QRICH2: variants seen among roughly 807,000 people sequenced by gnomAD.
QRICH2 encodes the protein glutamine-rich protein 2.
A neutral mutation model predicts 168.3 loss-of-function variants in QRICH2; 119 were observed. That is an observed-to-expected ratio of 0.71 (90% CI 0.61 to 0.82). The LOEUF is 0.82. Ranked by LOEUF, QRICH2 falls within the 40% of genes least tolerant of loss-of-function variation. The pLI is 0.00. For missense variants in QRICH2, 2,241 were observed against 2,491.6 expected (o/e 0.90, Z 2.14); for synonymous variants, 894 against 951.2 (o/e 0.94, Z 1.11).
intron 7 of QRICH2, among the ~76,000 whole-genome samples, chr17:76,283,156 G>A (rs547331166): frequency 2.0e-4 from 30 of 152,222 alleles, no homozygotes; most frequent in African/African-American, 4.1e-4. Context: ...GAGCCTGCCC[G>A]GAGGCAGGTA....
In QRICH2 at chr17:76,307,624, C is replaced by T; in HGVS notation, c.375G>A (p.Gln125=). Residue 125 remains glutamine (Q), a synonymous_variant, in exon 1 of 19, where the codon CAG becomes CAA. Coordinates refer to ENST00000680821, the MANE Select transcript of QRICH2 (RefSeq NM_001388453.1). This position sits in a 1 kb window ranked among gnomAD's most constrained non-coding sequence, Gnocchi z 5.3. ...AGTGCTGCACGTGCGTGGCGATGCCCTGCACCTGGCCGTCCACACGCTTGA... is the reference window on the plus strand; with the variant it reads ...AGTGCTGCACGTGCGTGGCGATGCCTTGCACCTGGCCGTCCACACGCTTGA... The part of the protein sequence containing the change: ...KQLKRVDGQV[Q]GIATHVQHFS... 6.6e-7 allele frequency: 1 copy of T among 1,514,520 alleles called. No homozygotes were observed. Among genetic ancestry groups the T allele is most frequent in the Non-Finnish European group, 8.9e-7 (1 of 1,126,076 alleles). 93.8% of individuals were successfully genotyped at this position (1,514,520 alleles called of 1,614,324 possible). A position where few individuals can be genotyped will look rare whatever the true frequency, so the allele number is the denominator to read the frequency against.
At chr17:76,304,648 A>G in intron 2 of QRICH2, 123 bp from the exon 3 acceptor site, 1 of 753,036 alleles carries the variant, frequency 1.3e-6, no homozygotes, top group Non-Finnish European at 2.3e-6. Context: ...GGGAGAATTC[A>G]TCACCCTTCA....
Position 76,278,163 on chromosome 17 carries a change from C to T in QRICH2, c.4943G>A (p.Arg1648Gln), listed in dbSNP as rs771110176. 15 of 1,608,800 alleles carry T rather than the reference C, an allele frequency of 9.3e-6. No homozygotes were observed. Among genetic ancestry groups the T allele is most frequent in the Admixed American group, 3.3e-5 (2 of 60,030 alleles). ...RNLKLGSAFP[R>Q]GDLAQMEQSV... Reference sequence around the variant, plus strand: ...CTGCTCCATCTGCGCCAGGTCACCCCGAGGGAAGGCGCTGCCCAGCTTGAG... The same window carrying T: ...CTGCTCCATCTGCGCCAGGTCACCCTGAGGGAAGGCGCTGCCCAGCTTGAG... Residue 1648 changes from arginine (R) to glutamine (Q), a missense_variant, in exon 15 of 19, where the codon CGG (arginine) becomes CAG (glutamine). Around this residue, in one of 3 missense-constraint regions of QRICH2, gnomAD observed 2,047 missense variants for 2,303.8 expected, o/e 0.89. Transcript: ENST00000680821.
chr17:76,288,011 C>A, intron 5 of QRICH2, 114 bp from the exon 6 acceptor site: 2 of 767,398 alleles, frequency 2.6e-6, no homozygotes, highest in Non-Finnish European at 4.5e-6. Context: ...ACCCAACCCC[C>A]TCCGACAAAA....
intron 6 of QRICH2, 35 bp from the exon 7 acceptor site, chr17:76,287,341 A>T: frequency 6.7e-7 from 1 of 1,503,612 alleles, no homozygotes; most frequent in Non-Finnish European, 9.2e-7. Flanking sequence ...CAGACTCCAC[A>T]CTCAGGCCAG....
chr17:76,304,358 G>C, intron 3 of QRICH2, 57 bp downstream of exon 3: 1 of 1,093,502 alleles, frequency 9.1e-7, no homozygotes, highest in South Asian at 1.3e-5. Flanking sequence ...GCTGTACAAA[G>C]CGAGAAGTTC....
chr17:76,280,145 G>C lies in QRICH2; in HGVS notation c.4636C>G (p.Leu1546Val). 1 of 1,613,864 alleles carries C rather than the reference G, an allele frequency of 6.2e-7. No homozygotes were observed. The highest frequency in any genetic ancestry group is 1.3e-5 in the African/African-American group (1 of 75,062). Residue 1546 changes from leucine to valine, a missense_variant, in exon 12 of 19, where the codon CTG (leucine) becomes GTG (valine). Transcript: ENST00000680821. This position sits in a 1 kb window ranked among gnomAD's most constrained non-coding sequence, Gnocchi z 7.4. ...AACTGCTTCACTGGGTCCAGCTCCA[G>C]GCGGTCCAGCTGTGGCGGGGAAAGA... ...LTEMDNKLDRLELDPVKQLLE... is the reference protein window; with the variant it reads ...LTEMDNKLDRVELDPVKQLLE...
intron 12 of QRICH2, 50 bp from the exon 13 acceptor site, chr17:76,279,478 C>A: frequency 6.7e-7 from 1 of 1,482,156 alleles, no homozygotes; most frequent in Non-Finnish European, 9.3e-7. Flanking sequence ...CCCGGAAGAC[C>A]CAGAAGGGCT....
At chr17:76,305,134 TTTC>T (rs1462963319) in intron 1 of QRICH2, among the ~76,000 whole-genome samples, 193 bp from the exon 2 acceptor site, 3 of 148,824 alleles carry the variant, frequency 2.0e-5, no homozygotes, top group Non-Finnish European at 3.0e-5. Context: ...AAAGGGAGGG[TTTC>T]TTCTTCTACT....
intron 18 of QRICH2, among the ~76,000 whole-genome samples, chr17:76,274,960 T>A (rs899017338): frequency 6.6e-6 from 1 of 152,186 alleles, no homozygotes; most frequent in Non-Finnish European, 1.5e-5. Context: ...GGGCCCTGGA[T>A]GATGCTGAGG....
In QRICH2 at chr17:76,280,964, AGGGAT is replaced by A; in HGVS notation, c.4264-16_4264-12del. The A allele has an allele frequency of 6.2e-7, 1 of 1,605,934 alleles. No individual in the cohort carries two copies. The highest frequency in any genetic ancestry group is 8.5e-7 in the Non-Finnish European group (1 of 1,179,642). ...CAGCAGCTCCTCGTCCTGCGGCAGG[AGGGAT>A]GGGAAGGCTCTCGGAGGCTGCTGGC... is the stretch of plus-strand genomic sequence containing the variant. On this transcript the variant is annotated splice_polypyrimidine_tract_variant and intron_variant, in intron 8 of 18. Coordinates refer to ENST00000680821, the MANE Select transcript of QRICH2 (RefSeq NM_001388453.1). The surrounding 1 kb of genome is among the most constrained non-coding windows in gnomAD (Gnocchi z 7.4).
rs1281413350 is a variant in QRICH2, at chr17:76,280,159, G to T, written c.4627-5C>A. 1 of 1,613,098 alleles carries T rather than the reference G, an allele frequency of 6.2e-7. No homozygotes were observed. The highest frequency in any genetic ancestry group is 8.5e-7 in the Non-Finnish European group (1 of 1,179,504). On this transcript the variant is annotated splice_region_variant and splice_polypyrimidine_tract_variant and intron_variant, in intron 11 of 18. Transcript: ENST00000680821. This position sits in a 1 kb window ranked among gnomAD's most constrained non-coding sequence, Gnocchi z 7.4. ...GTCCAGCTCCAGGCGGTCCAGCTGT[G>T]GCGGGGAAAGAGGGGCCAGGGGACC...
At chr17:76,297,870 G>GTTTTTTTTTTTTTTTTTTT (rs1169251679) in intron 3 of QRICH2, among the ~76,000 whole-genome samples, 11 of 79,492 alleles carry the variant, frequency 1.4e-4, no homozygotes, top group Non-Finnish European at 1.9e-4. Flanking sequence ...TTAGGAATCT[G>GTTTTTTTTTTTTTTTTTTT]TTTTTTTTTT....
In QRICH2 at chr17:76,290,073, T is replaced by C; in HGVS notation, c.3717A>G (p.Lys1239=). Residue 1239 remains lysine (K), a synonymous_variant, in exon 5 of 19, where the codon AAA becomes AAG. Transcript: ENST00000680821. ...CCTGCAGTTCAGGAGGTATGGTCCT[T>C]TTGACTATGGAAAGCAGAAGCCTTA... ...KIQFLLAQMV[K]RTIPPELQEQ... The C allele has an allele frequency of 6.2e-7, 1 of 1,610,994 alleles. No individual in the cohort carries two copies. Among genetic ancestry groups the C allele is most frequent in the East Asian group, 2.2e-5 (1 of 44,742 alleles).
rs556418368 is a variant in QRICH2 at position 76,289,476 on chromosome 17, C to T, written c.3798+516G>A. Among the ~76,000 whole-genome samples the T allele has an allele frequency of 2.0e-5, 3 of 152,216 alleles. No individual in the cohort carries two copies. The East Asian group carries it at 5.8e-4, about 29-fold the overall frequency. ...TGCTGGGATTATAGGCATGAGCCAGCGTGCCCAGCCTGAGCATCAGGTTTT... is the reference window on the plus strand; with the variant it reads ...TGCTGGGATTATAGGCATGAGCCAGTGTGCCCAGCCTGAGCATCAGGTTTT... On this transcript the variant is annotated intron_variant, in intron 5 of 18. Transcript: ENST00000680821.
Position 76,281,968 on chromosome 17 carries a change from T to A in QRICH2, c.4159A>T (p.Ser1387Cys). 1 of 1,613,760 alleles carries A rather than the reference T, an allele frequency of 6.2e-7. No individual in the cohort carries two copies. Among genetic ancestry groups the A allele is most frequent in the South Asian group, 1.1e-5 (1 of 91,040 alleles). ...CGCACCAGCGTGCTGACCTGATGGCTCACATCCAGGCTGCAGGCTGGACAG... is the reference window on the plus strand; with the variant it reads ...CGCACCAGCGTGCTGACCTGATGGCACACATCCAGGCTGCAGGCTGGACAG... ...ATCPACSLDVSHQVSTLVRRY... is the reference protein window; with the variant it reads ...ATCPACSLDVCHQVSTLVRRY... The change falls in exon 8 of 19, where the codon AGC becomes TGC. Residue 1387 changes from serine (S) to cysteine (C), a missense_variant. This residue lies in a region of QRICH2 where 2,047 missense variants were observed against 2,303.8 expected (regional missense o/e 0.89). Coordinates refer to ENST00000680821, the MANE Select transcript of QRICH2 (RefSeq NM_001388453.1). The surrounding 1 kb of genome is among the most constrained non-coding windows in gnomAD (Gnocchi z 4.4).
chr17:76,285,861 CAAAAT>C (rs1784289986), intron 7 of QRICH2, among the ~76,000 whole-genome samples: 1 of 151,296 alleles, frequency 6.6e-6, no homozygotes, highest in Admixed American at 6.6e-5. Context: ...AAAAACAAAA[CAAAAT>C]AACAACAAAA....
Position 76,280,753 on chromosome 17 carries a change from A to G in QRICH2, c.4387-25T>C. The G allele has an allele frequency of 1.2e-6, 2 of 1,614,138 alleles. No individual in the cohort carries two copies. The highest frequency in any genetic ancestry group is 1.7e-6 in the Non-Finnish European group (2 of 1,180,026). On this transcript the variant is annotated intron_variant, in intron 9 of 18. Transcript: ENST00000680821. The surrounding 1 kb of genome is among the most constrained non-coding windows in gnomAD (Gnocchi z 7.4). ...TCTGGGGAGGCCAAGTGAACAGAGAAAAAAAGAGCCAGCAGCTGCGGGGCT... is the reference window on the plus strand; with the variant it reads ...TCTGGGGAGGCCAAGTGAACAGAGAGAAAAAGAGCCAGCAGCTGCGGGGCT...
intron 12 of QRICH2, 102 bp downstream of exon 12, chr17:76,279,931 G>T: frequency 2.9e-6 from 4 of 1,369,142 alleles, no homozygotes; most frequent in Non-Finnish European, 3.9e-6. Context: ...GGCAGGATCC[G>T]CTGTGTGCTG....
Sources: gnomAD v4.1 joint callset for allele counts (sites outside exome capture counted in the v4.1 genomes callset) on GRCh38, gnomAD v4.1.1 for gene constraint, gnomAD v4.1.1 regional missense constraint, Gnocchi (gnomAD v3.1) non-coding constraint, MANE v1.5 for transcripts, NCBI Gene and HGNC (gene_info 2026-07-23, HGNC 2026-07-21) for gene names.